Variants in STAB2 observed in about 807,000 individuals in gnomAD.
The protein encoded by STAB2 is stabilin 2.
Under a neutral mutation model 338.1 loss-of-function variants are expected in STAB2, and 288 were observed. The observed-to-expected ratio is 0.85, with a 90% confidence interval of 0.77 to 0.94. The LOEUF (loss-of-function observed/expected upper bound fraction) is 0.94, where lower values mean the gene tolerates loss of function less well. STAB2 is among the 40% of genes least tolerant of loss of function. The pLI, the probability that STAB2 is intolerant of heterozygous loss-of-function variation, is 0.00. For synonymous variants in STAB2, 1,202 were observed against 1,193.3 expected, an observed-to-expected ratio of 1.01 and a Z score of -0.15; for missense variants, 3,141 against 3,210.1, an observed-to-expected ratio of 0.98 and a Z score of 0.52.
intron 27 of STAB2, among the ~76,000 whole-genome samples, chr12:103,686,598 C>G (rs1020773029): frequency 6.6e-6 from 1 of 152,108 alleles, no homozygotes; most frequent in Admixed American, 6.5e-5. Flanking sequence ...TTGACCTCCC[C>G]AGGTTCAGGT....
At chr12:103,737,573 T>TC in intron 52 of STAB2, 61 bp from the exon 53 acceptor site, 3 of 1,450,792 alleles carry the variant, frequency 2.1e-6, no homozygotes, top group Non-Finnish European at 2.7e-6. Context: ...AGATTGACTG[T>TC]TTCTCTCTCT....
chr12:103,653,043 G>A (rs1023314388), intron 12 of STAB2, among the ~76,000 whole-genome samples: 1 of 152,168 alleles, frequency 6.6e-6, no homozygotes, highest in African/African-American at 2.4e-5. Flanking sequence ...AGCCAGATCA[G>A]CATTCCTCTT....
At chr12:103,628,753 T>C (rs1464930328) in intron 5 of STAB2, among the ~76,000 whole-genome samples, 1 of 152,192 alleles carries the variant, frequency 6.6e-6, no homozygotes, top group Non-Finnish European at 1.5e-5. Context: ...CAGTATGACC[T>C]CATCTTAACT....
At chr12:103,645,402 C>A (rs1873256291) in intron 9 of STAB2, among the ~76,000 whole-genome samples, 1 of 152,216 alleles carries the variant, frequency 6.6e-6, no homozygotes, top group Admixed American at 6.5e-5. Flanking sequence ...CTCCTGCAAT[C>A]CTTAGGAAAG....
At chr12:103,700,164 A>G (rs935285974) in intron 34 of STAB2, among the ~76,000 whole-genome samples, 4 of 152,256 alleles carry the variant, frequency 2.6e-5, no homozygotes, top group African/African-American at 9.6e-5. Context: ...ATGAGGCTCA[A>G]TATTTAATAT....
At chr12:103,737,082 T>C (rs1412825899) in intron 52 of STAB2, among the ~76,000 whole-genome samples, 1 of 152,226 alleles carries the variant, frequency 6.6e-6, no homozygotes, top group Non-Finnish European at 1.5e-5. Flanking sequence ...CCGGGCACTT[T>C]GCTAGGTGCT....
Position 103,739,346 on chromosome 12 carries a change from TCA to T in STAB2, c.5698-65_5698-64del, listed in dbSNP as rs1479120262. On this transcript the variant is annotated intron_variant, in intron 53 of 68. Coordinates refer to ENST00000388887, the MANE Select transcript of STAB2 (RefSeq NM_017564.10). ...AGCCCTTAATCCATCCAGGTATTAATCAGGAACATTTCCTTGTGTTTTCTGAT... is the reference window on the plus strand; with the variant it reads ...AGCCCTTAATCCATCCAGGTATTAATGGAACATTTCCTTGTGTTTTCTGAT... 9.8e-6 allele frequency: 14 copies of T among 1,429,812 alleles called. No homozygotes were observed. The African/African-American group carries it at 2.0e-4, about 21-fold the overall frequency. The allele number at this position is 1,429,812 out of a possible 1,614,324, so 88.6% of individuals were successfully genotyped here.
At chr12:103,764,824 G>A (rs141468709) in intron 68 of STAB2, among the ~76,000 whole-genome samples, 2 of 152,232 alleles carry the variant, frequency 1.3e-5, no homozygotes, top group African/African-American at 4.8e-5. Flanking sequence ...CGGGCCGGGT[G>A]CAGTGGCTCA....
intron 39 of STAB2, among the ~76,000 whole-genome samples, chr12:103,709,920 C>T (rs1879699914): frequency 6.6e-6 from 1 of 152,182 alleles, no homozygotes; most frequent in South Asian, 2.1e-4. Context: ...CCCCACCACC[C>T]ATGCACCTGG....
chr12:103,619,747 A>G (rs1263754938), intron 3 of STAB2, among the ~76,000 whole-genome samples: 1 of 145,112 alleles, frequency 6.9e-6, no homozygotes, highest in African/African-American at 2.6e-5. Context: ...CTCATCAGCA[A>G]CGCCCCCCGC....
chr12:103,666,220 C>A, intron 18 of STAB2, 71 bp from the exon 19 acceptor site: 1 of 1,489,494 alleles, frequency 6.7e-7, no homozygotes, highest in Non-Finnish European at 9.3e-7. Context: ...AGCATGAAAC[C>A]AGCCACAGGA....
rs200947757 is a variant in STAB2 at position 103,648,798 on chromosome 12, G to C, written c.1149G>C (p.Arg383Ser). The C allele has an allele frequency of 1.2e-6, 2 of 1,614,074 alleles. No homozygotes were observed. The highest frequency in any genetic ancestry group is 1.7e-6 in the Non-Finnish European group (2 of 1,179,978). Residue 383 changes from arginine (R) to serine (S), a missense_variant, in exon 10 of 69, where the codon AGG becomes AGC. Coordinates refer to ENST00000388887, the MANE Select transcript of STAB2 (RefSeq NM_017564.10). ...AACCCAGAGGAAAATGGCAAGGAAG[G>C]CTGACCTCTTTCATCTCACTCCTAG... is the stretch of plus-strand genomic sequence containing the variant. ...NTEPRGKWQG[R>S]LTSFISLLDK... is the part of the protein sequence containing the mutation.
chr12:103,727,331 C>A lies in STAB2; in HGVS notation c.4916C>A (p.Ala1639Asp). ...ACTGTTTTTGCACCTTTATCTGCAG[C>A]CTTTGATGAGGAAGCTCGGGTGAGC... ...PFTVFAPLSA[A>D]FDEEARVKDW... The change falls in exon 47 of 69, where the codon GCC becomes GAC. Residue 1639 changes from alanine to aspartate, a missense_variant. Transcript: ENST00000388887. 6.2e-7 allele frequency: 1 copy of A among 1,614,196 alleles called. No individual in the cohort carries two copies. The highest frequency in any genetic ancestry group is 2.2e-5 in the East Asian group (1 of 44,890).
chr12:103,726,252 G>C, intron 46 of STAB2, 89 bp downstream of exon 46: 1 of 1,391,124 alleles, frequency 7.2e-7, no homozygotes. Flanking sequence ...ACTTTGGGAG[G>C]CCAAGGCGGG....
intron 9 of STAB2, 50 bp from the exon 10 acceptor site, chr12:103,648,640 A>G (rs540475133): frequency 6.3e-7 from 1 of 1,593,690 alleles, no homozygotes; most frequent in Non-Finnish European, 8.5e-7. Flanking sequence ...TATGATCAAA[A>G]TACTCAATGG....
rs769386925 is a variant in STAB2, at chr12:103,742,467, G to T, written c.5944G>T (p.Ala1982Ser). 6.2e-7 allele frequency: 1 copy of T among 1,613,998 alleles called. No homozygotes were observed. Among genetic ancestry groups the T allele is most frequent in the African/African-American group, 1.3e-5 (1 of 74,884 alleles). ...NRGVCLDQYS[A>S]TGECKCNTGF... ...GGGTGTCTGCCTTGATCAGTACTCG[G>T]CCACCGGAGAGTGTAAATGCAACAC... Residue 1982 changes from alanine to serine, a missense_variant, in exon 56 of 69, where the codon GCC (alanine) becomes TCC (serine). By Grantham distance (99) the Ala-to-Ser change is moderately conservative. Transcript: ENST00000388887.
Position 103,669,613 on chromosome 12 carries a change from T to C in STAB2, c.2245T>C (p.Ser749Pro), listed in dbSNP as rs773511350. 1.2e-6 allele frequency: 2 copies of C among 1,614,076 alleles called. No individual in the cohort carries two copies. The highest frequency in any genetic ancestry group is 2.2e-5 in the South Asian group (2 of 91,080). The change falls in exon 21 of 69, where the codon TCA becomes CCA. Residue 749 changes from serine (S) to proline (P), a missense_variant. Ser to Pro is a moderately conservative substitution (Grantham distance 74). Coordinates refer to ENST00000388887, the MANE Select transcript of STAB2 (RefSeq NM_017564.10). The part of the protein sequence containing the change: ...QCPGGFSNPC[S>P]GNGQCADSLG... ...TCCAGGAGGCTTCTCAAATCCATGC[T>C]CAGGAAATGGACAGGTGAATACTGA...
At chr12:103,616,847 G>T (rs1957218414) in intron 3 of STAB2, among the ~76,000 whole-genome samples, 1 of 152,240 alleles carries the variant, frequency 6.6e-6, no homozygotes, top group African/African-American at 2.4e-5. Flanking sequence ...AACGATTTAT[G>T]AAGATGCTCT....
intron 56 of STAB2, among the ~76,000 whole-genome samples, chr12:103,744,161 T>G (rs77277673): frequency 6.8e-6 from 1 of 146,146 alleles, no homozygotes; most frequent in Admixed American, 6.8e-5. Context: ...TTTTTTTTTT[T>G]GAGACAAAAT....
Sources: gnomAD v4.1 joint callset for allele counts (sites outside exome capture counted in the v4.1 genomes callset) on GRCh38, gnomAD v4.1.1 for gene constraint, MANE v1.5 for transcripts, NCBI Gene and HGNC (gene_info 2026-07-23, HGNC 2026-07-21) for gene names.